WNT3: variants seen among roughly 807,000 people sequenced by gnomAD.
WNT3 encodes proto-oncogene Wnt-3.
A neutral mutation model predicts 34.2 loss-of-function variants in WNT3; 7 were observed. The ratio of observed to expected loss-of-function variants is 0.20; its 90% CI spans 0.12 to 0.38. The LOEUF (loss-of-function observed/expected upper bound fraction) is 0.38, where lower values mean the gene tolerates loss of function less well. WNT3 is among the 10% of genes least tolerant of loss of function. The pLI is 1.00. For missense variants in WNT3, 267 were observed against 499.8 expected, an observed-to-expected ratio of 0.53 and a Z score of 4.44; for synonymous variants, 212 against 211.5, an observed-to-expected ratio of 1.00 and a Z score of -0.02.
chr17:46,768,308 C>CT lies in WNT3; in HGVS notation c.*8+3dup. ...AGCCTCCCCCCTGCTTCCCGGAGCC[C>CT]TACCTGGTGCCCTACTTGCAGGTGT... On this transcript the variant is annotated splice_donor_region_variant and intron_variant, in intron 4 of 4. Coordinates refer to ENST00000225512, the MANE Select transcript of WNT3 (RefSeq NM_030753.5). This position sits in a 1 kb window ranked among gnomAD's most constrained non-coding sequence, Gnocchi z 5.0. The CT allele has an allele frequency of 6.2e-7, 1 of 1,613,346 alleles. No individual in the cohort carries two copies. Among genetic ancestry groups the CT allele is most frequent in the Admixed American group, 1.7e-5 (1 of 60,018 alleles).
intron 1 of WNT3, among the ~76,000 whole-genome samples, chr17:46,779,989 C>T (rs960426297): frequency 6.6e-6 from 1 of 152,194 alleles, no homozygotes; most frequent in Admixed American, 6.5e-5. Context: ...GAACTCCTGA[C>T]CAAGTGATCC....
chr17:46,813,810 T>C (rs763728195), intron 1 of WNT3, among the ~76,000 whole-genome samples: 5 of 152,188 alleles, frequency 3.3e-5, no homozygotes, highest in Non-Finnish European at 5.9e-5. Context: ...GTACCATTAA[T>C]GTTTATTAGC....
At chr17:46,791,160 C>T (rs758829583) in intron 1 of WNT3, among the ~76,000 whole-genome samples, 1 of 152,050 alleles carries the variant, frequency 6.6e-6, no homozygotes, top group Non-Finnish European at 1.5e-5. Flanking sequence ...CCACACCTTC[C>T]TTGGTTCTTG....
At chr17:46,796,117 C>A (rs2084050942) in intron 1 of WNT3, among the ~76,000 whole-genome samples, 1 of 152,176 alleles carries the variant, frequency 6.6e-6, no homozygotes, top group South Asian at 2.1e-4. Context: ...TCTGGCTGAC[C>A]CCAATCCTGA....
At chr17:46,808,781 G>A (rs183369238) in intron 1 of WNT3, among the ~76,000 whole-genome samples, 4 of 152,122 alleles carry the variant, frequency 2.6e-5, no homozygotes, top group East Asian at 3.9e-4. Flanking sequence ...AATAGGAAAC[G>A]TTTACAAGTG....
At chr17:46,795,049 C>G (rs1355337719) in intron 1 of WNT3, among the ~76,000 whole-genome samples, 2 of 152,126 alleles carry the variant, frequency 1.3e-5, no homozygotes, top group African/African-American at 2.4e-5. Flanking sequence ...CCATGCCAGG[C>G]CCTTCCCAGG....
intron 1 of WNT3, among the ~76,000 whole-genome samples, chr17:46,784,777 CTTTTT>C (rs138267924): frequency 5.4e-5 from 7 of 129,292 alleles, no homozygotes; most frequent in Non-Finnish European, 3.2e-5. Flanking sequence ...TTTTGCTTTT[CTTTTT>C]TTTTTTTTTT....
At chr17:46,805,281 A>G (rs1218648796) in intron 1 of WNT3, among the ~76,000 whole-genome samples, 1 of 152,112 alleles carries the variant, frequency 6.6e-6, no homozygotes, top group African/African-American at 2.4e-5. Context: ...CTACAAAAAA[A>G]AAGAAAAAAG....
intron 1 of WNT3, among the ~76,000 whole-genome samples, chr17:46,794,358 C>T (rs928132842): frequency 6.6e-6 from 1 of 152,158 alleles, no homozygotes; most frequent in Admixed American, 6.6e-5. Context: ...ATCTATGGGG[C>T]TGAAAGAAGC....
Position 46,763,692 on chromosome 17 carries a change from TAC to T in WNT3, c.*936_*937del, listed in dbSNP as rs1260951524. On this transcript the variant is annotated 3_prime_UTR_variant, in exon 5 of 5. Transcript: ENST00000225512. Reference sequence around the variant, plus strand: ...CAACTGCTCTACCTGGAGTTATTTGTACAGAGAATCTGCAGGTGAGCAGGGCT... The same window carrying T: ...CAACTGCTCTACCTGGAGTTATTTGTAGAGAATCTGCAGGTGAGCAGGGCT... 1.3e-5 allele frequency: 2 copies of T among 152,066 alleles called. No individual in the cohort carries two copies. Among genetic ancestry groups the T allele is most frequent in the Non-Finnish European group, 2.9e-5 (2 of 68,014 alleles). The allele number at this position is 152,066 out of a possible 1,614,324, so 9.4% of individuals were successfully genotyped here.
chr17:46,813,227 C>T (rs540985819), intron 1 of WNT3, among the ~76,000 whole-genome samples: 1 of 151,796 alleles, frequency 6.6e-6, no homozygotes, highest in South Asian at 2.1e-4. Context: ...CCTGTCATAG[C>T]CCTGGGACTC....
chr17:46,778,082 G>A lies in WNT3; in HGVS notation c.81-4173C>T, dbSNP rs117245850. Among the ~76,000 whole-genome samples the A allele has an allele frequency of 8.1e-4, 124 of 152,326 alleles. 3 individuals are homozygous for A. In the East Asian group the frequency reaches 0.023, roughly 28 times the overall value. ...AGTGACACAATCCAGTGCATGGCAC[G>A]TGGGGAGCCCTTGCTAGATGGTGGT... On this transcript the variant is annotated intron_variant, in intron 1 of 4. Transcript: ENST00000225512.
At chr17:46,795,426 C>G (rs1018309086) in intron 1 of WNT3, among the ~76,000 whole-genome samples, 1 of 152,112 alleles carries the variant, frequency 6.6e-6, no homozygotes, top group African/African-American at 2.4e-5. Flanking sequence ...CCTCTGGGGT[C>G]TGAGAAGACC....
chr17:46,795,944 C>T (rs2084048461), intron 1 of WNT3, among the ~76,000 whole-genome samples: 1 of 152,108 alleles, frequency 6.6e-6, no homozygotes, highest in South Asian at 2.1e-4. Flanking sequence ...CTAACCCTTG[C>T]AGTACCATGG....
chr17:46,810,076 G>A (rs1387604075), intron 1 of WNT3, among the ~76,000 whole-genome samples: 13 of 146,132 alleles, frequency 8.9e-5, no homozygotes, highest in African/African-American at 3.1e-4. Context: ...GTGCAATCTC[G>A]GCTCACTGCA....
Position 46,787,756 on chromosome 17 carries a change from C to T in WNT3, c.81-13847G>A, listed in dbSNP as rs993431130. 1.2e-4 allele frequency among the ~76,000 whole-genome samples: 18 copies of T among 152,288 alleles called. 1 individual carries two copies. The South Asian group carries it at 3.3e-3, about 28-fold the overall frequency. ...ATCAACTGAAGTCAGGAGTTCGAGA[C>T]CAGCCTGGCCAACATGGCGAAACGC... On this transcript the variant is annotated intron_variant, in intron 1 of 4. Coordinates refer to ENST00000225512, the MANE Select transcript of WNT3 (RefSeq NM_030753.5).
intron 1 of WNT3, among the ~76,000 whole-genome samples, chr17:46,784,322 G>A (rs2059484430): frequency 6.6e-6 from 1 of 152,154 alleles, no homozygotes; most frequent in Non-Finnish European, 1.5e-5. Context: ...GGAAGTGCGT[G>A]GGGCCAGAGG....
intron 1 of WNT3, among the ~76,000 whole-genome samples, chr17:46,782,652 G>A (rs1294697198): frequency 1.3e-5 from 2 of 152,234 alleles, no homozygotes; most frequent in African/African-American, 4.8e-5. Flanking sequence ...GGGCATGTGT[G>A]CACACCGTGG....
At position 46,773,813 on chromosome 17, in the gene WNT3, G is replaced by A. The variant is rs199842137; in HGVS notation, c.177C>T (p.Cys59=). ...PGLVPKQLRF[C]RNYIEIMPSV... ...TGGGCATGATCTCGATGTAATTGCG[G>A]CAGAAGCGCAGTTGCTTGGGGACCA... The change falls in exon 2 of 5, where the codon TGC becomes TGT. Residue 59 remains cysteine (C), a synonymous_variant. Transcript: ENST00000225512. 6 of 1,613,542 alleles carry A rather than the reference G, an allele frequency of 3.7e-6. No individual in the cohort carries two copies. Among genetic ancestry groups the A allele is most frequent in the Non-Finnish European group, 4.2e-6 (5 of 1,180,026 alleles).
Sources: gnomAD v4.1 joint callset for allele counts (sites outside exome capture counted in the v4.1 genomes callset) on GRCh38, gnomAD v4.1.1 for gene constraint, Gnocchi (gnomAD v3.1) non-coding constraint, MANE v1.5 for transcripts, NCBI Gene and HGNC (gene_info 2026-07-23, HGNC 2026-07-21) for gene names.